Variants in PATE4 observed in about 807,000 individuals in gnomAD.
PATE4 encodes the protein prostate and testis expressed protein 4.
A neutral mutation model predicts 8.5 loss-of-function variants in PATE4; 13 were observed. The ratio of observed to expected loss-of-function variants is 1.53; its 90% CI spans 1.00 to 2.43. PATE4 has a LOEUF of 2.43. Ranked by LOEUF, PATE4 falls within the 30% of genes most tolerant of loss-of-function variation. The pLI, the probability that PATE4 is intolerant of heterozygous loss-of-function variation, is 0.00. For synonymous variants in PATE4, 47 were observed against 39.3 expected (o/e 1.20, Z -0.73); for missense variants, 127 against 115.5 (o/e 1.10, Z -0.46).
At chr11:125,833,444 G>T in intron 1 of PATE4, 27 bp downstream of exon 1, 1 of 1,543,484 alleles carries the variant, frequency 6.5e-7, no homozygotes, top group East Asian at 2.4e-5. Context: ...GGGGTGGAGG[G>T]AGGCAACTTA....
intron 1 of PATE4, among the ~76,000 whole-genome samples, chr11:125,836,917 G>GA (rs1382199054): frequency 1.3e-5 from 2 of 152,046 alleles, no homozygotes; most frequent in Non-Finnish European, 2.9e-5. Context: ...CTGAGTGAAC[G>GA]AAAAAATGAA....
chr11:125,837,967 C>A lies in PATE4; in HGVS notation c.158C>A (p.Thr53Lys), dbSNP rs1416103762. 1.3e-6 allele frequency: 2 copies of A among 1,551,442 alleles called. No homozygotes were observed. Among genetic ancestry groups the A allele is most frequent in the East Asian group, 2.4e-5 (1 of 40,924 alleles). Residue 53 changes from threonine (T) to lysine (K), a missense_variant, in exon 2 of 3, where the codon ACA becomes AAA. Coordinates refer to ENST00000457514, the MANE Select transcript of PATE4 (RefSeq NM_001144874.1). ...CIAKENELCS[T>K]TAYFRGDKHM... ...GCAAAAGAAAATGAGTTATGTTCAA[C>A]AACAGCCTATTTCAGGGGTAAGTGG...
At chr11:125,836,234 C>A (rs1565434865) in intron 1 of PATE4, among the ~76,000 whole-genome samples, 1 of 150,950 alleles carries the variant, frequency 6.6e-6, no homozygotes, top group Non-Finnish European at 1.5e-5. Flanking sequence ...GGGTAGTGGG[C>A]AGAAGAATAA....
At chr11:125,837,148 C>T (rs918423831) in intron 1 of PATE4, among the ~76,000 whole-genome samples, 1 of 152,248 alleles carries the variant, frequency 6.6e-6, no homozygotes, top group South Asian at 2.1e-4. Flanking sequence ...TTGAAATAAT[C>T]TACTTTCCCC....
At chr11:125,837,708 G>C (rs1014113927) in intron 1 of PATE4, among the ~76,000 whole-genome samples, 160 bp from the exon 2 acceptor site, 7 of 152,200 alleles carry the variant, frequency 4.6e-5, no homozygotes, top group South Asian at 2.1e-4. Flanking sequence ...CCACCTCCTA[G>C]CTTAACTTAC....
intron 2 of PATE4, 102 bp downstream of exon 2, chr11:125,838,086 G>T: frequency 9.5e-7 from 1 of 1,049,612 alleles, no homozygotes; most frequent in Admixed American, 2.2e-5. Flanking sequence ...CTGCTAGGAG[G>T]TAAGGCAAGG....
In PATE4 at chr11:125,837,901, CAGA is replaced by C. The variant is rs758265495; in HGVS notation, c.95_97del (p.Glu32del). 16 of 1,551,400 alleles carry C rather than the reference CAGA, an allele frequency of 1.0e-5. No individual in the cohort carries two copies. The African/African-American group carries it at 2.2e-4, about 21-fold the overall frequency. ...CTGAAGTGTAATACCTGCATATACA[CAGA>C]AGGATGGAAGTGTATGGCAGGCCGA... On this transcript the variant is annotated inframe_deletion, in exon 2 of 3. Transcript: ENST00000457514.
chr11:125,834,836 T>A lies in PATE4; in HGVS notation c.58+1419T>A, dbSNP rs972347999. 1.6e-4 allele frequency among the ~76,000 whole-genome samples: 24 copies of A among 152,202 alleles called. 1 individual carries two copies. The highest frequency in any genetic ancestry group is 5.8e-4 in the African/African-American group (24 of 41,466). On this transcript the variant is annotated intron_variant, in intron 1 of 2. Coordinates refer to ENST00000457514, the MANE Select transcript of PATE4 (RefSeq NM_001144874.1). ...CTACAGTGGAATACTATACACTTAG[T>A]ATACATTATTCAAAAAATCAAAGTG... is the stretch of plus-strand genomic sequence containing the variant.
At chr11:125,836,789 C>T (rs1258420925) in intron 1 of PATE4, among the ~76,000 whole-genome samples, 5 of 152,116 alleles carry the variant, frequency 3.3e-5, no homozygotes, top group Non-Finnish European at 5.9e-5. Flanking sequence ...TTCCCAGCAC[C>T]TAAAAAAATG....
At chr11:125,833,460 G>A in intron 1 of PATE4, 43 bp downstream of exon 1, 2 of 1,509,066 alleles carry the variant, frequency 1.3e-6, no homozygotes, top group Non-Finnish European at 1.8e-6. Context: ...ACTTAGGGGT[G>A]CTGTTCTCTA....
rs771637065 is a variant in PATE4, at chr11:125,838,431, A to G, written c.*4A>G. 4.5e-6 allele frequency: 7 copies of G among 1,539,422 alleles called. No homozygotes were observed. The highest frequency in any genetic ancestry group is 6.1e-6 in the Non-Finnish European group (7 of 1,143,856). ...AAACTTCTGTAATGTCTTCTAATGG[A>G]GCTTAGGAACTTGCAGAGGATCATC... On this transcript the variant is annotated 3_prime_UTR_variant, in exon 3 of 3. Coordinates refer to ENST00000457514, the MANE Select transcript of PATE4 (RefSeq NM_001144874.1).
At chr11:125,833,869 A>G (rs1014623254) in intron 1 of PATE4, among the ~76,000 whole-genome samples, 2 of 152,002 alleles carry the variant, frequency 1.3e-5, no homozygotes, top group South Asian at 4.1e-4. Flanking sequence ...TTCAATTACA[A>G]TCTATATGCT....
intron 1 of PATE4, chr11:125,835,703 T>C (rs1283213764): frequency 6.6e-6 from 1 of 152,148 alleles, no homozygotes. Context: ...TTTCATTAAA[T>C]ACAAAGTCCA....
rs1187896320 is a variant in PATE4 at position 125,833,533 on chromosome 11, T to A, written c.58+116T>A. On this transcript the variant is annotated intron_variant, in intron 1 of 2. Coordinates refer to ENST00000457514, the MANE Select transcript of PATE4 (RefSeq NM_001144874.1). Reference sequence around the variant, plus strand: ...TGAGACCCAAAGACTCAGTACAATCTGAGTTTCAGGATGTCAGAGAGATCA... The same window carrying A: ...TGAGACCCAAAGACTCAGTACAATCAGAGTTTCAGGATGTCAGAGAGATCA... 4.3e-6 allele frequency: 4 copies of A among 924,028 alleles called. No individual in the cohort carries two copies. In the African/African-American group the frequency reaches 6.6e-5, roughly 15 times the overall value. The allele number at this position is 924,028 out of a possible 1,614,324, so 57.2% of individuals were successfully genotyped here.
At position 125,839,415 on chromosome 11, in the gene PATE4, T is replaced by C. The variant is rs1943943852; in HGVS notation, c.*988T>C. On this transcript the variant is annotated 3_prime_UTR_variant, in exon 3 of 3. Transcript: ENST00000457514. ...GATAATCCTTTAGGTGTATCTGTGG[T>C]AAATGGTGCCTTGCTATGTTCTGAA... 1 of 152,218 alleles carries C rather than the reference T, an allele frequency of 6.6e-6. No homozygotes were observed. The highest frequency in any genetic ancestry group is 6.5e-5 in the Admixed American group (1 of 15,290). 9.4% of individuals were successfully genotyped at this position (152,218 alleles called of 1,614,324 possible).
rs1329173377 is a variant in PATE4, at chr11:125,839,770, A to C, written c.*1343A>C. 1.3e-5 allele frequency: 2 copies of C among 152,224 alleles called. No homozygotes were observed. The highest frequency in any genetic ancestry group is 2.9e-5 in the Non-Finnish European group (2 of 68,044). The allele number at this position is 152,224 out of a possible 1,614,324, so 9.4% of individuals were successfully genotyped here. A position where few individuals can be genotyped will look rare whatever the true frequency, so the allele number is the denominator to read the frequency against. On this transcript the variant is annotated 3_prime_UTR_variant, in exon 3 of 3. Coordinates refer to ENST00000457514, the MANE Select transcript of PATE4 (RefSeq NM_001144874.1). ...TTACTCACTATCACGAGAATAGCAC[A>C]GGAAAAACCTGCCCCCATGATTCAA...
intron 2 of PATE4, 26 bp from the exon 3 acceptor site, chr11:125,838,280 T>C: frequency 6.6e-7 from 1 of 1,525,264 alleles, no homozygotes; most frequent in Admixed American, 2.2e-5. Flanking sequence ...TCCTCCAGCA[T>C]TTATAACAGG....
intron 1 of PATE4, 59 bp downstream of exon 1, chr11:125,833,476 C>T (rs572546328): frequency 1.8e-5 from 26 of 1,450,848 alleles, no homozygotes; most frequent in Middle Eastern, 1.7e-4. Context: ...CTCTAAACCT[C>T]TACTCTCCAA....
At chr11:125,836,801 C>G (rs1299640393) in intron 1 of PATE4, among the ~76,000 whole-genome samples, 1 of 152,146 alleles carries the variant, frequency 6.6e-6, no homozygotes, top group African/African-American at 2.4e-5. Context: ...AAAAAAATGT[C>G]CAGAATGTGG....
Sources: allele counts gnomAD v4.1 joint callset (sites outside exome capture counted in the v4.1 genomes callset), GRCh38; gene constraint gnomAD v4.1.1; transcripts MANE v1.5; gene names NCBI Gene and HGNC (gene_info 2026-07-23, HGNC 2026-07-21).